The following TMTC1 variants were observed in gnomAD, a reference collection of about 807,000 sequenced individuals.
TMTC1 encodes the protein transmembrane O-mannosyltransferase targeting cadherins 1.
In TMTC1, 73 loss-of-function variants were observed where a neutral mutation model predicts 104.8. The ratio of observed to expected loss-of-function variants is 0.70; its 90% CI spans 0.58 to 0.85. The LOEUF is 0.85. Ranked by LOEUF, TMTC1 falls within the 40% of genes least tolerant of loss-of-function variation. The pLI, the probability that TMTC1 is intolerant of heterozygous loss-of-function variation, is 0.00. For synonymous variants in TMTC1, 434 were observed against 428.7 expected, an observed-to-expected ratio of 1.01 and a Z score of -0.15; for missense variants, 1,035 against 1,096.1, an observed-to-expected ratio of 0.94 and a Z score of 0.79.
rs1168527709 is a variant in TMTC1, at chr12:29,518,537, C to T, written c.1959G>A (p.Met653Ile). 3.1e-6 allele frequency: 5 copies of T among 1,614,100 alleles called. No homozygotes were observed. In the South Asian group the frequency reaches 3.3e-5, roughly 11 times the overall value. The change falls in exon 13 of 18, where the codon ATG becomes ATA. Residue 653 changes from methionine (M) to isoleucine (I), a missense_variant. Coordinates refer to ENST00000539277, the MANE Select transcript of TMTC1 (RefSeq NM_001193451.2). Reference sequence around the variant, plus strand: ...ACCTGTAGAGTCTTCCCAAGTTCACCATGGCCACGTGATGACTGGGGCTAA... The same window carrying T: ...ACCTGTAGAGTCTTCCCAAGTTCACTATGGCCACGTGATGACTGGGGCTAA... ...IKLSPSHHVA[M>I]VNLGRLYRSL...
chr12:29,509,294 T>C (rs921234146), intron 17 of TMTC1, among the ~76,000 whole-genome samples: 8 of 152,254 alleles, frequency 5.3e-5, no homozygotes, highest in African/African-American at 1.9e-4. Context: ...GTCCACTCAC[T>C]TCATCTTATA....
intron 9 of TMTC1, among the ~76,000 whole-genome samples, chr12:29,571,446 G>A (rs1017823668): frequency 6.6e-6 from 1 of 151,716 alleles, no homozygotes; most frequent in Admixed American, 6.6e-5. Context: ...GGGTACTTCC[G>A]CTTCTGATAC....
At chr12:29,681,115 A>AG (rs1440505648) in intron 5 of TMTC1, among the ~76,000 whole-genome samples, 10 of 147,028 alleles carry the variant, frequency 6.8e-5, no homozygotes, top group Admixed American at 4.8e-4. Flanking sequence ...AAAAAAAAAA[A>AG]AAAGAAACAA....
rs145332128 is a variant in TMTC1, at chr12:29,536,344, G to T, written c.1677-27C>A. On this transcript the variant is annotated intron_variant, in intron 10 of 17. Coordinates refer to ENST00000539277, the MANE Select transcript of TMTC1 (RefSeq NM_001193451.2). ...TATAGATAATAATGAAGGGGTGGGGGAGAACATCTTTTAATAACACTTTGT... is the reference window on the plus strand; with the variant it reads ...TATAGATAATAATGAAGGGGTGGGGTAGAACATCTTTTAATAACACTTTGT... The T allele has an allele frequency of 3.0e-5, 41 of 1,379,044 alleles. No homozygotes were observed. The African/African-American group carries it at 4.6e-4, about 16-fold the overall frequency. 85.4% of individuals were successfully genotyped at this position (1,379,044 alleles called of 1,614,324 possible). A position where few individuals can be genotyped will look rare whatever the true frequency, so the allele number is the denominator to read the frequency against.
chr12:29,517,377 T>C (rs367941462), intron 14 of TMTC1, 50 bp downstream of exon 14: 3 of 1,609,906 alleles, frequency 1.9e-6, no homozygotes, highest in Non-Finnish European at 2.5e-6. Flanking sequence ...GCTCTCTCTA[T>C]GGCTGCCTGT....
intron 7 of TMTC1, among the ~76,000 whole-genome samples, chr12:29,593,520 T>G (rs2136362589): frequency 6.6e-6 from 1 of 152,328 alleles, no homozygotes; most frequent in African/African-American, 2.4e-5. Flanking sequence ...TTCAAAAAGG[T>G]TTGATTCAAA....
At chr12:29,563,431 G>A (rs761630068) in intron 9 of TMTC1, among the ~76,000 whole-genome samples, 1 of 152,096 alleles carries the variant, frequency 6.6e-6, no homozygotes, top group Non-Finnish European at 1.5e-5. Context: ...GGCAGGAAAA[G>A]GATGTTCATA....
Position 29,633,053 on chromosome 12 carries a change from A to G in TMTC1, c.1128+94T>C, listed in dbSNP as rs1050718878. The G allele has an allele frequency of 2.5e-6, 3 of 1,202,592 alleles. No homozygotes were observed. In the African/African-American group the frequency reaches 4.5e-5, roughly 18 times the overall value. The allele number at this position is 1,202,592 out of a possible 1,614,324, so 74.5% of individuals were successfully genotyped here. ...TACATAGACAAGGAGAGGAGATTCA[A>G]TTTACACCCAGACCATCCGCACTAA... On this transcript the variant is annotated intron_variant, in intron 6 of 17. Transcript: ENST00000539277.
In TMTC1 at chr12:29,783,689, GCCCCGCCGCCGGGAGGGTGTGCGGT is replaced by G; in HGVS notation, c.38_62del (p.Asp13AlafsTer4). The G allele has an allele frequency of 2.4e-6, 3 of 1,273,048 alleles. No homozygotes were observed. The highest frequency in any genetic ancestry group is 2.9e-6 in the Non-Finnish European group (3 of 1,017,850). 78.9% of individuals were successfully genotyped at this position (1,273,048 alleles called of 1,614,324 possible). On this transcript the variant is annotated frameshift_variant, in exon 1 of 18. Coordinates refer to ENST00000539277, the MANE Select transcript of TMTC1 (RefSeq NM_001193451.2). LOFTEE classifies it high-confidence loss of function. The surrounding 1 kb of genome is among the most constrained non-coding windows in gnomAD (Gnocchi z 4.7). Reference sequence around the variant, plus strand: ...CGGCCCCGGCCGGCGCTAGCCCGCAGCCCCGCCGCCGGGAGGGTGTGCGGTCCCCGCCGCCGCCTCGGGCAGAGGT... The same window carrying G: ...CGGCCCCGGCCGGCGCTAGCCCGCAGCCCCGCCGCCGCCTCGGGCAGAGGT...
intron 9 of TMTC1, among the ~76,000 whole-genome samples, chr12:29,571,054 T>C (rs1945663014): frequency 1.3e-5 from 2 of 152,144 alleles, no homozygotes; most frequent in Admixed American, 6.6e-5. Context: ...ACAATCCTAG[T>C]AGACACTTTA....
intron 6 of TMTC1, among the ~76,000 whole-genome samples, chr12:29,614,444 C>A (rs1308576940): frequency 6.6e-6 from 1 of 152,198 alleles, no homozygotes; most frequent in African/African-American, 2.4e-5. Flanking sequence ...AACGCTCTTC[C>A]TTCACCTTGA....
intron 5 of TMTC1, among the ~76,000 whole-genome samples, chr12:29,728,630 G>A (rs75274951): frequency 1.3e-5 from 2 of 152,196 alleles, no homozygotes; most frequent in Non-Finnish European, 2.9e-5. Context: ...TCTCAGACCT[G>A]CCTCATGACC....
Position 29,518,545 on chromosome 12 carries a change from C to G in TMTC1, c.1951G>C (p.Val651Leu). The G allele has an allele frequency of 6.2e-7, 1 of 1,614,138 alleles. No individual in the cohort carries two copies. Among genetic ancestry groups the G allele is most frequent in the South Asian group, 1.1e-5 (1 of 91,080 alleles). Residue 651 changes from valine (V) to leucine (L), a missense_variant, in exon 13 of 18, where the codon GTG (valine) becomes CTG (leucine). Physicochemically the swap from Val to Leu is conservative, Grantham distance 32 (BLOSUM62 1). Coordinates refer to ENST00000539277, the MANE Select transcript of TMTC1 (RefSeq NM_001193451.2). The stretch of plus-strand genomic sequence containing the variant: ...AGTCTTCCCAAGTTCACCATGGCCA[C>G]GTGATGACTGGGGCTAAGTTTGATG... Reference protein sequence around the residue: ...QAIKLSPSHHVAMVNLGRLYR... With the variant: ...QAIKLSPSHHLAMVNLGRLYR...
At chr12:29,710,405 T>A (rs1470116040) in intron 5 of TMTC1, among the ~76,000 whole-genome samples, 1 of 151,922 alleles carries the variant, frequency 6.6e-6, no homozygotes, top group Non-Finnish European at 1.5e-5. Flanking sequence ...AGGAAACATG[T>A]GGCTGAGAAA....
chr12:29,723,070 C>A (rs1200544073), intron 5 of TMTC1, among the ~76,000 whole-genome samples: 1 of 151,726 alleles, frequency 6.6e-6, no homozygotes, highest in Non-Finnish European at 1.5e-5. Flanking sequence ...ATAAAGAGTA[C>A]CTTTTATAAG....
intron 9 of TMTC1, among the ~76,000 whole-genome samples, chr12:29,567,395 GT>G (rs879841743): frequency 4.6e-5 from 7 of 151,548 alleles, no homozygotes; most frequent in South Asian, 2.1e-4. Context: ...ACTTAAATTC[GT>G]TTTTTTTTTC....
intron 5 of TMTC1, among the ~76,000 whole-genome samples, chr12:29,697,116 C>T (rs571170923): frequency 6.6e-6 from 1 of 152,272 alleles, no homozygotes; most frequent in African/African-American, 2.4e-5. Context: ...ATGACAGGTT[C>T]TCAATATGTA....
At chr12:29,638,441 C>T (rs1156656727) in intron 5 of TMTC1, among the ~76,000 whole-genome samples, 1 of 152,126 alleles carries the variant, frequency 6.6e-6, no homozygotes, top group East Asian at 1.9e-4. Flanking sequence ...CTGAGAGCTA[C>T]TTCTACCACT....
Position 29,783,842 on chromosome 12 carries a change from G to GA in TMTC1, c.-92dup. The GA allele has an allele frequency of 9.5e-7, 1 of 1,056,810 alleles. No individual in the cohort carries two copies. The highest frequency in any genetic ancestry group is 4.4e-4 in the Middle Eastern group (1 of 2,288). The allele number at this position is 1,056,810 out of a possible 1,614,324, so 65.5% of individuals were successfully genotyped here. ...CCCGGCGGCGCGCGGCGTCTGCCCG[G>GA]AGGGGGGCTCGGGCATGGTGCTGCG... On this transcript the variant is annotated 5_prime_UTR_variant, in exon 1 of 18. Coordinates refer to ENST00000539277, the MANE Select transcript of TMTC1 (RefSeq NM_001193451.2). The surrounding 1 kb of genome is among the most constrained non-coding windows in gnomAD (Gnocchi z 4.7).
Sources: gnomAD v4.1 joint callset for allele counts (sites outside exome capture counted in the v4.1 genomes callset) on GRCh38, gnomAD v4.1.1 for gene constraint, Gnocchi (gnomAD v3.1) non-coding constraint, MANE v1.5 for transcripts, NCBI Gene and HGNC (gene_info 2026-07-23, HGNC 2026-07-21) for gene names.